The following CTDSPL2 variants were observed in gnomAD, a reference collection of about 807,000 sequenced individuals.
The protein encoded by CTDSPL2 is CTD small phosphatase like 2, also known as CTD small phosphatase-like protein 2.
In CTDSPL2, 5 loss-of-function variants were observed where a neutral mutation model predicts 60.0. The ratio of observed to expected loss-of-function variants is 0.08; its 90% CI spans 0.04 to 0.18. CTDSPL2 has a LOEUF of 0.18. Ranked by LOEUF, CTDSPL2 falls within the 10% of genes least tolerant of loss-of-function variation. The pLI is 1.00. For missense variants in CTDSPL2, 370 were observed against 548.8 expected (o/e 0.67, Z 3.26); for synonymous variants, 186 against 189.3 (o/e 0.98, Z 0.14).
chr15:44,452,189 TC>T (rs1176735651), intron 1 of CTDSPL2, among the ~76,000 whole-genome samples: 1 of 152,202 alleles, frequency 6.6e-6, no homozygotes, highest in Non-Finnish European at 1.5e-5. Flanking sequence ...AAAAAGATAC[TC>T]CTATAACATT....
intron 1 of CTDSPL2, among the ~76,000 whole-genome samples, chr15:44,446,974 C>G (rs149613825): frequency 4.0e-5 from 6 of 151,640 alleles, no homozygotes; most frequent in Non-Finnish European, 7.4e-5. Context: ...AGGCTGGTCT[C>G]GAACTCCAGA....
chr15:44,523,914 A>T (rs1314704250), intron 12 of CTDSPL2, among the ~76,000 whole-genome samples, 195 bp from the exon 13 acceptor site: 1 of 152,222 alleles, frequency 6.6e-6, no homozygotes. Context: ...ACAAAAATTT[A>T]AAAAAGAAAT....
At chr15:44,513,071 C>CA (rs1182992155) in intron 8 of CTDSPL2, among the ~76,000 whole-genome samples, 5,279 of 98,840 alleles carry the variant, frequency 0.053, 230 homozygotes, top group African/African-American at 0.14. Context: ...GACTCCTTCT[C>CA]AAAAAAAAAA....
chr15:44,521,802 G>T (rs2081774663), intron 12 of CTDSPL2, among the ~76,000 whole-genome samples: 2 of 151,130 alleles, frequency 1.3e-5, no homozygotes, highest in Admixed American at 1.3e-4. Flanking sequence ...GCCGGGCGTG[G>T]TAGCGGGCGC....
intron 2 of CTDSPL2, chr15:44,470,399 A>G (rs910435371): frequency 6.6e-6 from 1 of 151,698 alleles, no homozygotes; most frequent in Admixed American, 6.6e-5. Flanking sequence ...TTTGCATGAT[A>G]TATGTTTTTC....
At chr15:44,516,294 C>T (rs988855585) in intron 10 of CTDSPL2, among the ~76,000 whole-genome samples, 1 of 152,140 alleles carries the variant, frequency 6.6e-6, no homozygotes, top group Non-Finnish European at 1.5e-5. Flanking sequence ...TTCTTAAATA[C>T]TTTTCCCATG....
chr15:44,495,050 C>T (rs547269974), intron 5 of CTDSPL2, among the ~76,000 whole-genome samples: 2 of 152,308 alleles, frequency 1.3e-5, no homozygotes, highest in African/African-American at 4.8e-5. Flanking sequence ...CGGCTCACTG[C>T]AACCTCTGCT....
At chr15:44,513,328 G>A (rs185927677) in intron 8 of CTDSPL2, among the ~76,000 whole-genome samples, 1,877 of 151,382 alleles carry the variant, frequency 0.012, 30 homozygotes, top group Non-Finnish European at 0.016. Context: ...TTAGCCGGTC[G>A]TGGTGATGAG....
intron 8 of CTDSPL2, among the ~76,000 whole-genome samples, 163 bp from the exon 9 acceptor site, chr15:44,514,435 G>A (rs1256257972): frequency 1.3e-5 from 2 of 152,218 alleles, no homozygotes; most frequent in Non-Finnish European, 2.9e-5. Context: ...GTGATCGCTT[G>A]TATGTGAAAT....
At chr15:44,488,469 G>A (rs1164983025) in intron 4 of CTDSPL2, among the ~76,000 whole-genome samples, 1 of 152,120 alleles carries the variant, frequency 6.6e-6, no homozygotes, top group Non-Finnish European at 1.5e-5. Context: ...ATAGATAATT[G>A]AGTGTAATTT....
Position 44,469,688 on chromosome 15 carries a change from G to A in CTDSPL2, c.186+10488G>A, listed in dbSNP as rs532444398. On this transcript the variant is annotated intron_variant, in intron 2 of 12. Transcript: ENST00000260327. ...TATTTGGGAATATATGTGATATTTCGGAGTTGTTCAGTGCAGTATTCTATA... is the reference window on the plus strand; with the variant it reads ...TATTTGGGAATATATGTGATATTTCAGAGTTGTTCAGTGCAGTATTCTATA... Among the ~76,000 whole-genome samples, 8 of 152,026 alleles carry A rather than the reference G, an allele frequency of 5.3e-5. No homozygotes were observed. The South Asian group carries it at 1.5e-3, about 28-fold the overall frequency.
chr15:44,455,572 C>CTTA (rs898473995), intron 1 of CTDSPL2, among the ~76,000 whole-genome samples: 2 of 151,998 alleles, frequency 1.3e-5, no homozygotes, highest in Admixed American at 6.6e-5. Flanking sequence ...ATAAATAGCT[C>CTTA]TTATTATTTT....
chr15:44,455,035 G>C (rs1389059091), intron 1 of CTDSPL2, among the ~76,000 whole-genome samples: 3 of 152,124 alleles, frequency 2.0e-5, no homozygotes, highest in Admixed American at 6.5e-5. Context: ...CCATTTTCAC[G>C]ATATTGATTC....
chr15:44,435,286 C>G (rs1478049108), intron 1 of CTDSPL2, among the ~76,000 whole-genome samples: 1 of 148,622 alleles, frequency 6.7e-6, no homozygotes, highest in South Asian at 2.1e-4. Flanking sequence ...AAGAATCCTT[C>G]TAACTGTGCG....
intron 12 of CTDSPL2, among the ~76,000 whole-genome samples, chr15:44,523,180 A>G (rs1433214017): frequency 6.6e-6 from 1 of 152,064 alleles, no homozygotes; most frequent in African/African-American, 2.4e-5. Flanking sequence ...TATTTTTAGT[A>G]GAGACTGGGT....
chr15:44,454,249 T>C (rs1207965660), intron 1 of CTDSPL2, among the ~76,000 whole-genome samples: 2 of 152,220 alleles, frequency 1.3e-5, no homozygotes, highest in Non-Finnish European at 2.9e-5. Context: ...TGTCTGTTAA[T>C]ATCCTTCACC....
intron 2 of CTDSPL2, among the ~76,000 whole-genome samples, chr15:44,466,775 A>AC (rs1389136365): frequency 8.0e-6 from 1 of 124,542 alleles, no homozygotes; most frequent in Non-Finnish European, 1.9e-5. Context: ...TACTAAAAAT[A>AC]CAAAAAAAAA....
intron 1 of CTDSPL2, among the ~76,000 whole-genome samples, chr15:44,453,874 C>T (rs1413856883): frequency 7.2e-5 from 11 of 151,980 alleles, no homozygotes; most frequent in African/African-American, 1.2e-4. Flanking sequence ...TGAATAGTGC[C>T]GCAGTAAACA....
rs374327012 is a variant in CTDSPL2, at chr15:44,438,600, A to G, written c.-25+10828A>G. Reference sequence around the variant, plus strand: ...AGTAGCATTACTTGTGATGAAGAATATATTAGGAAAAATACGGTAGGAAGA... The same window carrying G: ...AGTAGCATTACTTGTGATGAAGAATGTATTAGGAAAAATACGGTAGGAAGA... On this transcript the variant is annotated intron_variant, in intron 1 of 12. Transcript: ENST00000260327. 4.5e-3 allele frequency among the ~76,000 whole-genome samples: 685 copies of G among 152,240 alleles called. 4 individuals are homozygous for G. Among genetic ancestry groups the G allele is most frequent in the African/African-American group, 0.016 (649 of 41,538 alleles).
Sources: gnomAD v4.1 joint callset for allele counts (sites outside exome capture counted in the v4.1 genomes callset) on GRCh38, gnomAD v4.1.1 for gene constraint, MANE v1.5 for transcripts, NCBI Gene and HGNC (gene_info 2026-07-23, HGNC 2026-07-21) for gene names.